Variants in SLC9A2 observed in about 807,000 individuals in gnomAD.
The protein encoded by SLC9A2 is sodium/hydrogen exchanger 2.
A neutral mutation model predicts 71.7 loss-of-function variants in SLC9A2; 42 were observed. That is an observed-to-expected ratio of 0.59 (90% CI 0.46 to 0.76). The LOEUF (loss-of-function observed/expected upper bound fraction) is 0.76. Among genes scored for constraint, SLC9A2 ranks in the 30% least tolerant of loss-of-function variants. The probability of loss-of-function intolerance (pLI) is 0.00; values close to 1 mark genes in which losing one functional copy is unlikely to be tolerated. For missense variants in SLC9A2, 829 were observed against 1,017.4 expected (o/e 0.81, Z 2.52); for synonymous variants, 396 against 392.5 (o/e 1.01, Z -0.10).
At chr2:102,649,091 G>A (rs34212181) in intron 1 of SLC9A2, among the ~76,000 whole-genome samples, 10,087 of 152,056 alleles carry the variant, frequency 0.066, 1,092 homozygotes, top group African/African-American at 0.23. Context: ...AGGCTACAGT[G>A]ACCAAAACAG....
At chr2:102,678,426 T>C (rs1421597589) in intron 3 of SLC9A2, among the ~76,000 whole-genome samples, 2 of 152,058 alleles carry the variant, frequency 1.3e-5, no homozygotes, top group Non-Finnish European at 2.9e-5. Flanking sequence ...ACTAGGAATA[T>C]TGAAGGCCAA....
At chr2:102,639,464 C>G (rs1676530950) in intron 1 of SLC9A2, among the ~76,000 whole-genome samples, 1 of 152,204 alleles carries the variant, frequency 6.6e-6, no homozygotes, top group Non-Finnish European at 1.5e-5. Flanking sequence ...ATCAGGGGAT[C>G]AATCAGAATT....
intron 5 of SLC9A2, among the ~76,000 whole-genome samples, chr2:102,688,848 G>A (rs556007358): frequency 1.2e-4 from 19 of 152,318 alleles, no homozygotes; most frequent in African/African-American, 4.1e-4. Flanking sequence ...TTATTATGTA[G>A]TTAATCCCTA....
intron 7 of SLC9A2, 59 bp from the exon 8 acceptor site, chr2:102,701,011 C>T (rs1045629511): frequency 7.9e-7 from 1 of 1,263,304 alleles, no homozygotes; most frequent in East Asian, 2.4e-5. Context: ...TTGGTAAAAA[C>T]AACAACTATT....
Position 102,705,940 on chromosome 2 carries a change from G to A in SLC9A2, c.2068+4G>A, listed in dbSNP as rs1029026322. On this transcript the variant is annotated splice_donor_region_variant and intron_variant, in intron 11 of 11. Transcript: ENST00000233969. ...AGGAGGACTATTTCTATTGCAGGTA[G>A]TGAATATAGTTGGAGCAGAAAAATT... 3.9e-6 allele frequency: 6 copies of A among 1,544,138 alleles called. No homozygotes were observed. The African/African-American group carries it at 6.9e-5, about 18-fold the overall frequency.
rs747391806 is a variant in SLC9A2, at chr2:102,708,327, G to T, written c.2277G>T (p.Thr759=). The change falls in exon 12 of 12, where the codon ACG becomes ACT. Residue 759 remains threonine, a synonymous_variant. Transcript: ENST00000233969. ...TPHSREKGTQ[T]SGLLQQPLLS... ...ACAGCAGAGAAAAGGGCACCCAGAC[G>T]TCAGGCTTACTACAGCAGCCCCTTC... The T allele has an allele frequency of 1.2e-6, 2 of 1,614,178 alleles. No homozygotes were observed. Among genetic ancestry groups the T allele is most frequent in the South Asian group, 1.1e-5 (1 of 91,076 alleles).
rs185782261 is a variant in SLC9A2, at chr2:102,710,756, T to C, written c.*2267T>C. On this transcript the variant is annotated 3_prime_UTR_variant, in exon 12 of 12. Transcript: ENST00000233969. ...ACTAAATATTTTCACAATCTAAATA[T>C]TGTCACAATCTAAATTTCTGTAGTA... 1 of 152,440 alleles carries C rather than the reference T, an allele frequency of 6.6e-6. No individual in the cohort carries two copies. The highest frequency in any genetic ancestry group is 1.9e-4 in the East Asian group (1 of 5,300). 9.4% of individuals were successfully genotyped at this position (152,440 alleles called of 1,614,324 possible).
At chr2:102,676,763 G>A (rs138869471) in intron 3 of SLC9A2, among the ~76,000 whole-genome samples, 7 of 152,314 alleles carry the variant, frequency 4.6e-5, no homozygotes, top group South Asian at 2.1e-4. Context: ...AGCATGCAAC[G>A]TGCCCAGAGT....
At chr2:102,695,825 A>ATTATATATAT in intron 7 of SLC9A2, among the ~76,000 whole-genome samples, 1 of 129,080 alleles carries the variant, frequency 7.7e-6, no homozygotes. Context: ...ATATATATAT[A>ATTATATATAT]AAAAGCTAAA....
chr2:102,659,888 T>G (rs1670121051), intron 2 of SLC9A2, among the ~76,000 whole-genome samples: 1 of 152,206 alleles, frequency 6.6e-6, no homozygotes, highest in Admixed American at 6.5e-5. Flanking sequence ...GGAGTAAGTC[T>G]ATTTAGTGCA....
chr2:102,710,416 AT>A lies in SLC9A2; in HGVS notation c.*1932del, dbSNP rs1279810459. The A allele has an allele frequency of 1.3e-5, 2 of 151,358 alleles. No individual in the cohort carries two copies. The highest frequency in any genetic ancestry group is 3.0e-5 in the Non-Finnish European group (2 of 67,706). The allele number at this position is 151,358 out of a possible 1,614,324, so 9.4% of individuals were successfully genotyped here. A position where few individuals can be genotyped will look rare whatever the true frequency, so the allele number is the denominator to read the frequency against. On this transcript the variant is annotated 3_prime_UTR_variant, in exon 12 of 12. Transcript: ENST00000233969. ...GTGACCTTAAAGAATAAATTTCCTAATTTTTCCCAGTTTCCTATGTTTATAA... is the reference window on the plus strand; with the variant it reads ...GTGACCTTAAAGAATAAATTTCCTAATTTTCCCAGTTTCCTATGTTTATAA...
chr2:102,641,214 A>C (rs949119220), intron 1 of SLC9A2, among the ~76,000 whole-genome samples: 1 of 152,170 alleles, frequency 6.6e-6, no homozygotes, highest in African/African-American at 2.4e-5. Context: ...CAGGGGCCTC[A>C]GCAGGGTCAT....
rs931274801 is a variant in SLC9A2, at chr2:102,674,099, T to A, written c.1004+8749T>A. Among the ~76,000 whole-genome samples the A allele has an allele frequency of 3.9e-5, 6 of 152,190 alleles. No individual in the cohort carries two copies. The East Asian group carries it at 1.2e-3, about 29-fold the overall frequency. On this transcript the variant is annotated intron_variant, in intron 3 of 11. Coordinates refer to ENST00000233969, the MANE Select transcript of SLC9A2 (RefSeq NM_003048.6). ...CCACCACACCTGGCCACTTTTTCTT[T>A]TTTAATAAAAATATTTTTAGAAAAA... is the stretch of plus-strand genomic sequence containing the variant.
chr2:102,694,060 C>A (rs777049605), intron 5 of SLC9A2, among the ~76,000 whole-genome samples: 1 of 152,082 alleles, frequency 6.6e-6, no homozygotes, highest in South Asian at 2.1e-4. Flanking sequence ...CTGTCCACCT[C>A]GGCCTCCCAA....
At chr2:102,651,421 G>A (rs767330646) in intron 1 of SLC9A2, among the ~76,000 whole-genome samples, 32 of 152,174 alleles carry the variant, frequency 2.1e-4, no homozygotes, top group Non-Finnish European at 3.4e-4. Context: ...AGCCAGAGTA[G>A]CCTCTTTGCT....
intron 5 of SLC9A2, 96 bp downstream of exon 5, chr2:102,684,432 A>G (rs1404561076): frequency 5.4e-6 from 6 of 1,115,492 alleles, no homozygotes; most frequent in Non-Finnish European, 8.1e-6. Context: ...GTGTGTTGAA[A>G]CTTTGGTAGT....
chr2:102,694,075 C>G (rs1038653676), intron 5 of SLC9A2, among the ~76,000 whole-genome samples: 1 of 152,220 alleles, frequency 6.6e-6, no homozygotes, highest in African/African-American at 2.4e-5. Flanking sequence ...TCCCAAAGTG[C>G]TGGGATTACA....
At chr2:102,689,129 C>T (rs528273954) in intron 5 of SLC9A2, among the ~76,000 whole-genome samples, 1 of 152,320 alleles carries the variant, frequency 6.6e-6, no homozygotes, top group South Asian at 2.1e-4. Context: ...ATGACAAGAG[C>T]TGTAGCCACA....
chr2:102,708,152 G>C lies in SLC9A2; in HGVS notation c.2102G>C (p.Gly701Ala). ...GNSSDSDADA[G>A]TTVLNLQPRA... ...AGCAGCGACTCAGACGCAGATGCCG[G>C]GACCACCGTGCTCAATTTGCAGCCC... The change falls in exon 12 of 12, where the codon GGG becomes GCG. Residue 701 changes from glycine to alanine, a missense_variant. Transcript: ENST00000233969. 6.2e-7 allele frequency: 1 copy of C among 1,613,698 alleles called. No homozygotes were observed. Among genetic ancestry groups the C allele is most frequent in the Non-Finnish European group, 8.5e-7 (1 of 1,179,898 alleles).
Sources: allele counts gnomAD v4.1 joint callset (sites outside exome capture counted in the v4.1 genomes callset), GRCh38; gene constraint gnomAD v4.1.1; transcripts MANE v1.5; gene names NCBI Gene and HGNC (gene_info 2026-07-23, HGNC 2026-07-21).